USP30: variants seen among roughly 807,000 people sequenced by gnomAD.
USP30 encodes ubiquitin specific peptidase 30.
A neutral mutation model predicts 68.2 loss-of-function variants in USP30; 41 were observed. The ratio of observed to expected loss-of-function variants is 0.60; its 90% CI spans 0.47 to 0.78. USP30 has a LOEUF of 0.78. Among genes scored for constraint, USP30 ranks in the 30% least tolerant of loss-of-function variants. The pLI, the probability that USP30 is intolerant of heterozygous loss-of-function variation, is 0.00. For missense variants in USP30, 522 were observed against 649.4 expected, an observed-to-expected ratio of 0.80 and a Z score of 2.13; for synonymous variants, 229 against 253.7, an observed-to-expected ratio of 0.90 and a Z score of 0.93.
intron 1 of USP30, among the ~76,000 whole-genome samples, chr12:109,023,528 C>T (rs1299678878): frequency 6.6e-6 from 1 of 151,592 alleles, no homozygotes; most frequent in Non-Finnish European, 1.5e-5. Context: ...GCACTCCAGC[C>T]TGGGTGATAG....
Position 109,084,939 on chromosome 12 carries a change from T to C in USP30, c.1169-14T>C. On this transcript the variant is annotated splice_polypyrimidine_tract_variant and intron_variant, in intron 11 of 12. Coordinates refer to ENST00000257548, the MANE Select transcript of USP30 (RefSeq NM_032663.5). The stretch of plus-strand genomic sequence containing the variant: ...CTGCTAATTTTCATTGACTCGGGCC[T>C]TTTTCTCTTGCAGTTCTGAATCAGC... The C allele has an allele frequency of 1.3e-6, 2 of 1,554,904 alleles. No homozygotes were observed. Among genetic ancestry groups the C allele is most frequent in the Non-Finnish European group, 8.7e-7 (1 of 1,146,778 alleles).
chr12:109,077,390 A>T (rs764662962), intron 7 of USP30, among the ~76,000 whole-genome samples: 56 of 152,202 alleles, frequency 3.7e-4, no homozygotes, highest in Non-Finnish European at 7.3e-4. Flanking sequence ...GGATACAAGC[A>T]TATGTATTAT....
intron 2 of USP30, among the ~76,000 whole-genome samples, chr12:109,025,429 T>C (rs1049877454): frequency 6.6e-6 from 1 of 152,088 alleles, no homozygotes; most frequent in African/African-American, 2.4e-5. Flanking sequence ...ATTATGTTGC[T>C]CTCTTCACCC....
rs1294421387 is a variant in USP30, at chr12:109,084,936, G to T, written c.1169-17G>T. 1 of 1,554,788 alleles carries T rather than the reference G, an allele frequency of 6.4e-7. No homozygotes were observed. Among genetic ancestry groups the T allele is most frequent in the African/African-American group, 1.4e-5 (1 of 72,640 alleles). On this transcript the variant is annotated splice_polypyrimidine_tract_variant and intron_variant, in intron 11 of 12. Transcript: ENST00000257548. ...CCACTGCTAATTTTCATTGACTCGG[G>T]CCTTTTTCTCTTGCAGTTCTGAATC... is the stretch of plus-strand genomic sequence containing the variant.
intron 3 of USP30, 42 bp downstream of exon 3, chr12:109,058,150 A>G: frequency 6.4e-7 from 1 of 1,553,780 alleles, no homozygotes; most frequent in Non-Finnish European, 8.7e-7. Context: ...TACCTTTTCA[A>G]AGAAGTCCAG....
intron 11 of USP30, among the ~76,000 whole-genome samples, chr12:109,083,349 A>G (rs1204548813): frequency 6.6e-6 from 1 of 152,178 alleles, no homozygotes; most frequent in Non-Finnish European, 1.5e-5. Flanking sequence ...CCGCTAAATG[A>G]TATAATCATT....
At chr12:109,081,309 G>A in intron 7 of USP30, 25 bp from the exon 8 acceptor site, 2 of 1,613,066 alleles carry the variant, frequency 1.2e-6, no homozygotes, top group Non-Finnish European at 1.7e-6. Context: ...AATCGTTTCT[G>A]GATTTTCTGC....
intron 3 of USP30, among the ~76,000 whole-genome samples, chr12:109,040,848 A>G (rs190171914): frequency 6.6e-6 from 1 of 152,370 alleles, no homozygotes; most frequent in East Asian, 1.9e-4. Flanking sequence ...TTCACATAGC[A>G]TCACTCTCAC....
chr12:109,052,644 G>T lies in USP30; in HGVS notation c.-35G>T. The T allele has an allele frequency of 6.8e-7, 1 of 1,466,278 alleles. No homozygotes were observed. The highest frequency in any genetic ancestry group is 9.0e-7 in the Non-Finnish European group (1 of 1,115,538). 90.8% of individuals were successfully genotyped at this position (1,466,278 alleles called of 1,614,324 possible). ...GTCCGGCGGCGGCGGCGGCGGTAGC[G>T]GAGGAGACGGTTTCAGGCCTCCGGT... is the stretch of plus-strand genomic sequence containing the variant. On this transcript the variant is annotated 5_prime_UTR_variant, in exon 1 of 13. Transcript: ENST00000257548.
chr12:109,080,062 A>G (rs2135814025), intron 7 of USP30, among the ~76,000 whole-genome samples: 1 of 152,314 alleles, frequency 6.6e-6, no homozygotes, highest in Middle Eastern at 3.4e-3. Context: ...ATCTCTGCTC[A>G]GTTTTTTTAG....
intron 3 of USP30, among the ~76,000 whole-genome samples, 198 bp downstream of exon 3, chr12:109,058,306 C>T (rs1566087519): frequency 1.3e-5 from 2 of 152,174 alleles, no homozygotes; most frequent in Admixed American, 1.3e-4. Context: ...TGCAGTGGCT[C>T]ATGCCTGTAA....
At position 109,081,371 on chromosome 12, in the gene USP30, T is replaced by C; in HGVS notation, c.758T>C (p.Leu253Pro). 1 of 1,614,178 alleles carries C rather than the reference T, an allele frequency of 6.2e-7. No homozygotes were observed. Among genetic ancestry groups the C allele is most frequent in the African/African-American group, 1.3e-5 (1 of 75,054 alleles). The stretch of plus-strand genomic sequence containing the variant: ...TTTGATACCTTTGATAGCCTTTCAC[T>C]AAGTATTCCAGCCGCCACATGGGTA... Reference protein sequence around the residue: ...VRFDTFDSLSLSIPAATWGHP... With the variant: ...VRFDTFDSLSPSIPAATWGHP... Residue 253 changes from leucine to proline, a missense_variant, in exon 8 of 13, where the codon CTA becomes CCA. By Grantham distance (98) the Leu-to-Pro change is moderately conservative (BLOSUM62 -3). Coordinates refer to ENST00000257548, the MANE Select transcript of USP30 (RefSeq NM_032663.5).
At chr12:109,060,369 A>G (rs2041024698) in intron 3 of USP30, among the ~76,000 whole-genome samples, 1 of 152,218 alleles carries the variant, frequency 6.6e-6, no homozygotes, top group Non-Finnish European at 1.5e-5. Flanking sequence ...GTAAGGAGAA[A>G]ATTGGATTTA....
chr12:109,062,328 CTTTTTTTTTTTT>C (rs773303115), intron 3 of USP30, among the ~76,000 whole-genome samples: 2 of 103,068 alleles, frequency 1.9e-5, no homozygotes, highest in East Asian at 5.3e-4. Context: ...ACCTCCTTCA[CTTTTTTTTTTTT>C]TTTTTTTTTT....
chr12:109,085,929 T>C lies in USP30; in HGVS notation c.1552T>C (p.Ter518ArgextTer32), dbSNP rs758295013. 3 of 1,612,874 alleles carry C rather than the reference T, an allele frequency of 1.9e-6. No homozygotes were observed. The South Asian group carries it at 3.3e-5, about 18-fold the overall frequency. Residue 518 changes from the stop codon to arginine, a stop_lost, in exon 13 of 13, where the codon TGA becomes CGA. Coordinates refer to ENST00000257548, the MANE Select transcript of USP30 (RefSeq NM_032663.5). ...HQSQECKSEE[*>R] ...GAGCCAGGAGTGCAAGTCTGAAGAATGACTGTGCCCTCCTGCAAGGCTAGA... is the reference window on the plus strand; with the variant it reads ...GAGCCAGGAGTGCAAGTCTGAAGAACGACTGTGCCCTCCTGCAAGGCTAGA...
chr12:109,024,905 C>T (rs1471177392), exon 2 of USP30: 1 of 152,422 alleles, frequency 6.6e-6, no homozygotes, highest in Non-Finnish European at 1.5e-5. Context: ...AGGCGTGAAC[C>T]ACCACACCAG....
upstream of USP30, among the ~76,000 whole-genome samples, chr12:109,049,892 C>T (rs949168936): frequency 4.6e-5 from 7 of 152,166 alleles, no homozygotes; most frequent in Non-Finnish European, 8.8e-5. Context: ...GAAGTGAGCA[C>T]ATGCTGTTGA....
chr12:109,078,778 G>T (rs1210698315), intron 7 of USP30, among the ~76,000 whole-genome samples: 1 of 152,146 alleles, frequency 6.6e-6, no homozygotes, highest in Non-Finnish European at 1.5e-5. Flanking sequence ...GATACACTTA[G>T]ATTTCATGTA....
At chr12:109,047,872 C>A (rs78608917), upstream of USP30, among the ~76,000 whole-genome samples, 15,428 of 152,050 alleles carry the variant, frequency 0.1, 1,324 homozygotes, top group Admixed American at 0.28. Context: ...ATTCACCCAG[C>A]CAGCTAAAGT....
Sources: allele counts gnomAD v4.1 joint callset (sites outside exome capture counted in the v4.1 genomes callset), GRCh38; gene constraint gnomAD v4.1.1; transcripts MANE v1.5; gene names NCBI Gene and HGNC (gene_info 2026-07-23, HGNC 2026-07-21).